TMEM181: variants seen among roughly 807,000 people sequenced by gnomAD.
TMEM181 encodes the protein G protein-coupled receptor 178.
Under a neutral mutation model 71.9 loss-of-function variants are expected in TMEM181, and 39 were observed. That is an observed-to-expected ratio of 0.54 (90% confidence interval 0.42 to 0.71). The LOEUF is 0.71. TMEM181 is among the 30% of genes least tolerant of loss of function. The pLI, the probability that TMEM181 is intolerant of heterozygous loss-of-function variation, is 0.00. For missense variants in TMEM181, 595 were observed against 583.0 expected (o/e 1.02, Z -0.21); for synonymous variants, 245 against 228.8 (o/e 1.07, Z -0.64).
At chr6:158,615,668 G>A (rs957600688) in intron 10 of TMEM181, among the ~76,000 whole-genome samples, 3 of 152,190 alleles carry the variant, frequency 2.0e-5, no homozygotes, top group African/African-American at 7.2e-5. Context: ...TGTATAGGGT[G>A]TAAGGAAGAG....
intron 1 of TMEM181, among the ~76,000 whole-genome samples, chr6:158,548,175 T>G (rs1262446427): frequency 3.3e-5 from 5 of 152,070 alleles, no homozygotes; most frequent in Non-Finnish European, 7.4e-5. Flanking sequence ...CCGAACACAG[T>G]AGTTTGGAAA....
chr6:158,606,019 T>A (rs568148005), intron 7 of TMEM181, among the ~76,000 whole-genome samples: 1 of 152,128 alleles, frequency 6.6e-6, no homozygotes, highest in African/African-American at 2.4e-5. Flanking sequence ...GGAGGTGACA[T>A]TTAGGAAATG....
intron 1 of TMEM181, among the ~76,000 whole-genome samples, chr6:158,544,763 G>A (rs942499530): frequency 4.9e-4 from 75 of 152,132 alleles, no homozygotes; most frequent in Non-Finnish European, 2.8e-4. Flanking sequence ...ACGCCTCAGG[G>A]CTGTGCTTCT....
intron 1 of TMEM181, among the ~76,000 whole-genome samples, chr6:158,545,098 G>A (rs779582431): frequency 6.6e-6 from 1 of 152,196 alleles, no homozygotes. Flanking sequence ...TCCAGGCCCC[G>A]TTCCCCTGCG....
In TMEM181 at chr6:158,552,279, C is replaced by T. The variant is rs148961460; in HGVS notation, c.131+15414C>T. Among the ~76,000 whole-genome samples, 540 of 152,280 alleles carry T rather than the reference C, an allele frequency of 3.5e-3. 4 individuals carry two copies. The highest frequency in any genetic ancestry group is 0.012 in the African/African-American group (509 of 41,560). ...TCCTGCAGTGTGATTGCACCTCCTGCAGTGTGATTGCTTTTCCTTATGGGA... is the reference window on the plus strand; with the variant it reads ...TCCTGCAGTGTGATTGCACCTCCTGTAGTGTGATTGCTTTTCCTTATGGGA... On this transcript the variant is annotated intron_variant, in intron 1 of 16. Transcript: ENST00000367090.
Position 158,625,756 on chromosome 6 carries a change from TAAG to T in TMEM181, c.1109+7_1109+9del. On this transcript the variant is annotated splice_donor_5th_base_variant and intron_variant, in intron 13 of 16. Coordinates refer to ENST00000684151, the MANE Select transcript of TMEM181 (RefSeq NM_001376852.1). Reference sequence around the variant, plus strand: ...GACTTTCGTAGTACTTGTCATTAGGTAAGAAGACCTTATTTCTTGAAAACAGCA... The same window carrying T: ...GACTTTCGTAGTACTTGTCATTAGGTAAGACCTTATTTCTTGAAAACAGCA... 2 of 1,608,426 alleles carry T rather than the reference TAAG, an allele frequency of 1.2e-6. No individual in the cohort carries two copies. Among genetic ancestry groups the T allele is most frequent in the Non-Finnish European group, 1.7e-6 (2 of 1,178,334 alleles).
chr6:158,631,785 G>A (rs1011513605), intron 16 of TMEM181, 25 bp from the exon 17 acceptor site: 1 of 1,579,694 alleles, frequency 6.3e-7, no homozygotes, highest in Non-Finnish European at 8.6e-7. Context: ...AAGTTAGACG[G>A]TCTCAAAGGT....
In TMEM181 at chr6:158,549,210, C is replaced by T. The variant is rs896403501; in HGVS notation, c.131+12345C>T. On this transcript the variant is annotated intron_variant, in intron 1 of 16. Transcript: ENST00000367090. ...ACGGCTCACTGCAACCTCCGCCTCC[C>T]GGGTTCAAGCAATTCTTCTGCCTCA... Among the ~76,000 whole-genome samples the T allele has an allele frequency of 6.7e-5, 10 of 149,846 alleles. No homozygotes were observed. In the East Asian group the frequency reaches 1.4e-3, roughly 21 times the overall value.
intron 10 of TMEM181, 116 bp downstream of exon 10, chr6:158,608,866 G>A: frequency 2.1e-6 from 2 of 947,966 alleles, no homozygotes; most frequent in Non-Finnish European, 3.2e-6. Flanking sequence ...GACAGGCTGA[G>A]GCAGGCAAGT....
chr6:158,626,334 G>A (rs1211863371), intron 13 of TMEM181: 6 of 454,972 alleles, frequency 1.3e-5, no homozygotes, highest in African/African-American at 2.0e-5. Context: ...TATTTGAATC[G>A]ATTCCAGGTA....
At chr6:158,562,589 G>C (rs759834283) in intron 1 of TMEM181, among the ~76,000 whole-genome samples, 1 of 152,064 alleles carries the variant, frequency 6.6e-6, no homozygotes, top group Non-Finnish European at 1.5e-5. Flanking sequence ...TAGCAGCAAA[G>C]CATGGCACAG....
At chr6:158,551,173 A>G (rs6455588) in intron 1 of TMEM181, among the ~76,000 whole-genome samples, 92,897 of 151,722 alleles carry the variant, frequency 0.61, 28,810 homozygotes, top group East Asian at 0.73. Flanking sequence ...TGTTGGCCAG[A>G]AGGGTCTCAA....
chr6:158,572,658 G>T (rs1782929763), intron 1 of TMEM181, among the ~76,000 whole-genome samples: 1 of 152,194 alleles, frequency 6.6e-6, no homozygotes, highest in Non-Finnish European at 1.5e-5. Context: ...GTTTTCTTTT[G>T]TTTGCTGGCC....
intron 6 of TMEM181, among the ~76,000 whole-genome samples, chr6:158,597,820 A>G (rs1310088101): frequency 3.3e-5 from 5 of 152,042 alleles, no homozygotes; most frequent in African/African-American, 9.7e-5. Context: ...TACCCCTTCT[A>G]TAAGGTGCAA....
At position 158,634,448 on chromosome 6, in the gene TMEM181, C is replaced by T. The variant is rs1786827447; in HGVS notation, c.*2560C>T. The stretch of plus-strand genomic sequence containing the variant: ...GAACTTAAAGGGCTGACTTTAGTTC[C>T]TTCATGGTAATGGCTTGAGTAACAT... On this transcript the variant is annotated 3_prime_UTR_variant, in exon 17 of 17. Transcript: ENST00000684151. The T allele has an allele frequency of 6.6e-6, 1 of 152,054 alleles. No homozygotes were observed. Among genetic ancestry groups the T allele is most frequent in the African/African-American group, 2.4e-5 (1 of 41,380 alleles). The allele number at this position is 152,054 out of a possible 1,614,324, so 9.4% of individuals were successfully genotyped here.
chr6:158,565,132 C>T (rs193293445), intron 1 of TMEM181, among the ~76,000 whole-genome samples: 7 of 152,354 alleles, frequency 4.6e-5, no homozygotes, highest in East Asian at 3.9e-4. Flanking sequence ...CTGTCCCTCT[C>T]GCTGCAGGAC....
Position 158,607,330 on chromosome 6 carries a change from G to C in TMEM181, c.660G>C (p.Leu220=). The part of the protein sequence containing the change: ...QKWMSVLLPL[L]LLYNDPFFPL... ...GGATGTCTGTTCTCCTGCCTCTGCT[G>C]CTACTTTACAATGGTGGGTAGTTCC... The change falls in exon 8 of 17, where the codon CTG becomes CTC. Residue 220 remains leucine (L), a synonymous_variant. Coordinates refer to ENST00000684151, the MANE Select transcript of TMEM181 (RefSeq NM_001376852.1). 1 of 1,614,082 alleles carries C rather than the reference G, an allele frequency of 6.2e-7. No homozygotes were observed. The highest frequency in any genetic ancestry group is 8.5e-7 in the Non-Finnish European group (1 of 1,179,932).
At chr6:158,628,060 G>A (rs1461328541) in intron 13 of TMEM181, among the ~76,000 whole-genome samples, 4 of 152,180 alleles carry the variant, frequency 2.6e-5, no homozygotes, top group South Asian at 2.1e-4. Context: ...AGATGGTCTC[G>A]AAAACCTGAG....
rs1390681048 is a variant in TMEM181 at position 158,571,504 on chromosome 6, T to C, written c.9-1916T>C. ...TAGTAGAGACGGGGTTTCATCGTGTTGGCCAGGATGGTCTCAATCTCCTGA... is the reference window on the plus strand; with the variant it reads ...TAGTAGAGACGGGGTTTCATCGTGTCGGCCAGGATGGTCTCAATCTCCTGA... On this transcript the variant is annotated intron_variant, in intron 1 of 16. Coordinates refer to ENST00000684151, the MANE Select transcript of TMEM181 (RefSeq NM_001376852.1). Among the ~76,000 whole-genome samples, 4 of 140,044 alleles carry C rather than the reference T, an allele frequency of 2.9e-5. No individual in the cohort carries two copies. In the East Asian group the frequency reaches 5.9e-4, roughly 21 times the overall value. 91.9% of individuals were successfully genotyped at this position (140,044 alleles called of 152,430 possible). A position where few individuals can be genotyped will look rare whatever the true frequency, so the allele number is the denominator to read the frequency against.
Sources: gnomAD v4.1 joint callset for allele counts (sites outside exome capture counted in the v4.1 genomes callset) on GRCh38, gnomAD v4.1.1 for gene constraint, MANE v1.5 for transcripts, NCBI Gene and HGNC (gene_info 2026-07-23, HGNC 2026-07-21) for gene names.